Variants in DLG2 observed in about 807,000 individuals in gnomAD.
The protein encoded by DLG2 is discs large MAGUK scaffold protein 2.
A neutral mutation model predicts 132.5 loss-of-function variants in DLG2; 45 were observed. The observed-to-expected ratio is 0.34, with a 90% CI of 0.27 to 0.44. The LOEUF (loss-of-function observed/expected upper bound fraction) is 0.44, where lower values mean the gene tolerates loss of function less well. Among genes scored for constraint, DLG2 ranks in the 20% least tolerant of loss-of-function variants. DLG2 has a pLI of 1.00. For missense variants in DLG2, 1,045 were observed against 1,196.9 expected (o/e 0.87, Z 1.87); for synonymous variants, 424 against 419.6 (o/e 1.01, Z -0.13).
chr11:84,649,138 G>A (rs934914529), intron 6 of DLG2, among the ~76,000 whole-genome samples: 1 of 152,026 alleles, frequency 6.6e-6, no homozygotes, highest in Non-Finnish European at 1.5e-5. Context: ...TTCTTTGCAG[G>A]TTTGTTCTTT....
At chr11:85,581,085 A>G (rs1413798112) in intron 3 of DLG2, among the ~76,000 whole-genome samples, 5 of 152,108 alleles carry the variant, frequency 3.3e-5, no homozygotes. Context: ...TCATTCCCCC[A>G]GCTCTCTTCC....
At chr11:84,906,381 A>AACACACACACACACACACACAC (rs35833007) in intron 6 of DLG2, among the ~76,000 whole-genome samples, 13 of 144,206 alleles carry the variant, frequency 9.0e-5, no homozygotes, top group Non-Finnish European at 1.7e-4. Context: ...CAGCAAGGCT[A>AACACACACACACACACACACAC]ACACACACAC....
In DLG2 at chr11:84,810,183, C is replaced by T. The variant is rs79023267; in HGVS notation, c.358-275452G>A. Among the ~76,000 whole-genome samples the T allele has an allele frequency of 2.4e-3, 368 of 151,964 alleles. 2 individuals are homozygous for T. Among genetic ancestry groups the T allele is most frequent in the Non-Finnish European group, 4.0e-3 (273 of 67,896 alleles). On this transcript the variant is annotated intron_variant, in intron 6 of 27. Coordinates refer to ENST00000376104, the MANE Select transcript of DLG2 (RefSeq NM_001142699.3). Reference sequence around the variant, plus strand: ...AAGAAGATGGAAATACAAACTACAGCATAGGAGAAAATATTTGTAAAGCAC... The same window carrying T: ...AAGAAGATGGAAATACAAACTACAGTATAGGAGAAAATATTTGTAAAGCAC...
chr11:85,535,478 A>C (rs1405819232), intron 3 of DLG2, among the ~76,000 whole-genome samples: 1 of 152,202 alleles, frequency 6.6e-6, no homozygotes, highest in Non-Finnish European at 1.5e-5. Context: ...TATTTTTTAA[A>C]TTCCATCATT....
chr11:84,327,995 A>C (rs578146107), intron 7 of DLG2, among the ~76,000 whole-genome samples: 91 of 152,286 alleles, frequency 6.0e-4, no homozygotes, highest in African/African-American at 2.0e-3. Flanking sequence ...AATACGTGTA[A>C]CATCCTGGGT....
At chr11:85,030,008 T>C (rs694142) in intron 6 of DLG2, among the ~76,000 whole-genome samples, 111,286 of 152,154 alleles carry the variant, frequency 0.73, 42,063 homozygotes, top group East Asian at 0.94. Context: ...ACCTCACTTC[T>C]GTTTTATATA....
rs1338796784 is a variant in DLG2 at position 83,960,978 on chromosome 11, A to G, written c.1340+1907T>C. Among the ~76,000 whole-genome samples the G allele has an allele frequency of 1.3e-5, 2 of 152,042 alleles. 1 individual carries two copies. Among genetic ancestry groups the G allele is most frequent in the African/African-American group, 4.8e-5 (2 of 41,424 alleles). ...TGAGACTGTCCTCTAGGGGAACAGG[A>G]AAGGAGGCAGGGGCAGGATCTAAGA... On this transcript the variant is annotated intron_variant, in intron 14 of 27. Transcript: ENST00000376104.
At chr11:84,807,918 C>T (rs2153968229) in intron 6 of DLG2, among the ~76,000 whole-genome samples, 1 of 152,204 alleles carries the variant, frequency 6.6e-6, no homozygotes, top group East Asian at 1.9e-4. Flanking sequence ...TTCAACACTC[C>T]TTTATTGACA....
chr11:84,106,827 G>T (rs1057424320), intron 9 of DLG2, among the ~76,000 whole-genome samples: 2 of 142,244 alleles, frequency 1.4e-5, no homozygotes, highest in African/African-American at 5.2e-5. Flanking sequence ...GTGTGTGTGT[G>T]TGTGTGTGTG....
intron 7 of DLG2, among the ~76,000 whole-genome samples, chr11:84,384,628 T>A (rs992814313): frequency 4.6e-5 from 7 of 152,044 alleles, no homozygotes; most frequent in African/African-American, 1.7e-4. Flanking sequence ...TGTGGCAGGC[T>A]AATGAATTAT....
chr11:84,789,902 G>C (rs75983668), intron 6 of DLG2, among the ~76,000 whole-genome samples: 13,057 of 152,144 alleles, frequency 0.086, 626 homozygotes, highest in African/African-American at 0.11. Flanking sequence ...CATGTTATTT[G>C]AAGTGTCAGG....
At chr11:85,161,928 A>G (rs2152474493) in intron 4 of DLG2, among the ~76,000 whole-genome samples, 2 of 152,308 alleles carry the variant, frequency 1.3e-5, no homozygotes, top group Middle Eastern at 3.4e-3. Context: ...TGGAAGTGGA[A>G]GTGGCACCAT....
chr11:85,196,676 G>A (rs930880029), intron 4 of DLG2, among the ~76,000 whole-genome samples: 25 of 152,218 alleles, frequency 1.6e-4, no homozygotes, highest in African/African-American at 5.8e-4. Context: ...ACTGACTTAA[G>A]CATTTACTTA....
At chr11:84,288,873 G>A (rs531060057) in intron 7 of DLG2, among the ~76,000 whole-genome samples, 24 of 152,170 alleles carry the variant, frequency 1.6e-4, no homozygotes, top group Admixed American at 4.6e-4. Context: ...TTATAGTGGG[G>A]AGAAGCTTTT....
At chr11:84,526,094 C>T (rs1204960694) in intron 7 of DLG2, among the ~76,000 whole-genome samples, 1 of 152,046 alleles carries the variant, frequency 6.6e-6, no homozygotes, top group Admixed American at 6.5e-5. Flanking sequence ...TGTGCCCAAC[C>T]AAAATATAAT....
At chr11:85,354,439 A>T (rs1479864131) in intron 3 of DLG2, among the ~76,000 whole-genome samples, 1 of 152,136 alleles carries the variant, frequency 6.6e-6, no homozygotes, top group Non-Finnish European at 1.5e-5. Flanking sequence ...ATAAATTTTC[A>T]CAATGTCACC....
intron 3 of DLG2, among the ~76,000 whole-genome samples, chr11:85,593,649 A>C (rs997215830): frequency 6.6e-6 from 1 of 152,206 alleles, no homozygotes; most frequent in African/African-American, 2.4e-5. Context: ...CACACCCACT[A>C]TTTAAATAAT....
intron 6 of DLG2, among the ~76,000 whole-genome samples, chr11:85,004,169 G>T (rs1365807685): frequency 6.6e-6 from 1 of 151,988 alleles, no homozygotes; most frequent in Non-Finnish European, 1.5e-5. Flanking sequence ...CGAACACTGG[G>T]CAATAAACAT....
At chr11:85,070,949 G>A (rs144023480) in intron 6 of DLG2, among the ~76,000 whole-genome samples, 23 of 151,988 alleles carry the variant, frequency 1.5e-4, no homozygotes, top group African/African-American at 4.8e-4. Context: ...AAATAGCAGT[G>A]AAGAGCTTGG....
Sources: allele counts gnomAD v4.1 joint callset (sites outside exome capture counted in the v4.1 genomes callset), GRCh38; gene constraint gnomAD v4.1.1; transcripts MANE v1.5; gene names NCBI Gene and HGNC (gene_info 2026-07-23, HGNC 2026-07-21).